Variants in TEK observed in about 807,000 individuals in gnomAD.
TEK encodes angiopoietin-1 receptor.
In TEK, 43 loss-of-function variants were observed where a neutral mutation model predicts 131.8. The ratio of observed to expected loss-of-function variants is 0.33; its 90% CI spans 0.26 to 0.42. The LOEUF (loss-of-function observed/expected upper bound fraction) is 0.42, where lower values mean the gene tolerates loss of function less well. Among genes scored for constraint, TEK ranks in the 10% least tolerant of loss-of-function variants. The pLI, the probability that TEK is intolerant of heterozygous loss-of-function variation, is 1.00. For missense variants in TEK, 1,162 were observed against 1,384.4 expected, an observed-to-expected ratio of 0.84 and a Z score of 2.55; for synonymous variants, 580 against 491.6, an observed-to-expected ratio of 1.18 and a Z score of -2.38.
intron 1 of TEK, among the ~76,000 whole-genome samples, chr9:27,134,022 T>C (rs1281704632): frequency 6.6e-6 from 1 of 152,128 alleles, no homozygotes; most frequent in East Asian, 1.9e-4. Flanking sequence ...GCATGGGAAG[T>C]TGACTTGTAT....
intron 20 of TEK, among the ~76,000 whole-genome samples, chr9:27,219,215 C>G (rs971875701): frequency 3.3e-5 from 5 of 152,128 alleles, no homozygotes; most frequent in African/African-American, 1.2e-4. Flanking sequence ...TTTTAAAAAA[C>G]TGGAAGGCAC....
intron 1 of TEK, among the ~76,000 whole-genome samples, chr9:27,141,086 C>G: frequency 6.6e-6 from 1 of 151,936 alleles, no homozygotes; most frequent in Non-Finnish European, 1.5e-5. Flanking sequence ...ATTTAATTTT[C>G]TTCTGCTGTC....
chr9:27,149,577 G>A (rs761622142), intron 1 of TEK, among the ~76,000 whole-genome samples: 7 of 152,084 alleles, frequency 4.6e-5, no homozygotes, highest in South Asian at 2.1e-4. Flanking sequence ...TTATAGACTC[G>A]TTTCTTTGAT....
chr9:27,109,476 A>C lies in TEK; in HGVS notation c.-115A>C. ...CTGTTCCTTCTTGCCTCTAACTTGT[A>C]AACAAGACGTAGTAGGACGATGCTA... is the stretch of plus-strand genomic sequence containing the variant. On this transcript the variant is annotated 5_prime_UTR_variant, in exon 1 of 23. It removes the in-frame stop codon of an upstream open reading frame in the 5' UTR. Coordinates refer to ENST00000380036, the MANE Select transcript of TEK (RefSeq NM_000459.5). The C allele has an allele frequency of 9.3e-7, 1 of 1,069,642 alleles. No individual in the cohort carries two copies. The highest frequency in any genetic ancestry group is 1.5e-6 in the Non-Finnish European group (1 of 684,868). The allele number at this position is 1,069,642 out of a possible 1,614,324, so 66.3% of individuals were successfully genotyped here.
intron 1 of TEK, among the ~76,000 whole-genome samples, chr9:27,131,759 AT>A (rs145245564): frequency 0.098 from 14,928 of 151,730 alleles, 862 homozygotes; most frequent in African/African-American, 0.14. Context: ...GTGAGCCATG[AT>A]TGCACCACTG....
At chr9:27,122,705 C>T (rs769394900) in intron 1 of TEK, among the ~76,000 whole-genome samples, 2 of 151,874 alleles carry the variant, frequency 1.3e-5, no homozygotes, top group African/African-American at 4.8e-5. Context: ...AAAGAGGAGA[C>T]TGATGATCCT....
intron 1 of TEK, among the ~76,000 whole-genome samples, chr9:27,132,817 A>G (rs1241315172): frequency 6.6e-6 from 1 of 152,208 alleles, no homozygotes; most frequent in African/African-American, 2.4e-5. Context: ...TTCTTTAATG[A>G]TACAAGAAAT....
chr9:27,119,807 T>A (rs989856890), intron 1 of TEK, among the ~76,000 whole-genome samples: 2 of 152,172 alleles, frequency 1.3e-5, no homozygotes, highest in African/African-American at 4.8e-5. Context: ...TCTTGACAAT[T>A]TTTTTACTTC....
chr9:27,112,539 G>A (rs72713715), intron 1 of TEK, among the ~76,000 whole-genome samples: 3,459 of 152,262 alleles, frequency 0.023, 67 homozygotes, highest in Non-Finnish European at 0.036. Context: ...CTTCCAAGGC[G>A]TCTCTCCAGG....
chr9:27,146,643 T>C (rs1564059095), intron 1 of TEK, among the ~76,000 whole-genome samples: 1 of 152,168 alleles, frequency 6.6e-6, no homozygotes, highest in Non-Finnish European at 1.5e-5. Flanking sequence ...CTTGTTTATG[T>C]ATTTATCCAC....
intron 16 of TEK, among the ~76,000 whole-genome samples, chr9:27,212,481 G>A (rs1825670880): frequency 6.6e-6 from 1 of 152,128 alleles, no homozygotes; most frequent in Non-Finnish European, 1.5e-5. Flanking sequence ...TAGGAATGGA[G>A]AGGGGGTGGG....
In TEK at chr9:27,157,716, C is replaced by A. The variant is rs931350336; in HGVS notation, c.53-115C>A. On this transcript the variant is annotated intron_variant, in intron 1 of 22. Transcript: ENST00000380036. ...GAAGATAGGCACATGGTCAGAATAG[C>A]ATTTTAGAAAGAATCCTCACACAAC... 3.3e-5 allele frequency: 41 copies of A among 1,252,844 alleles called. No individual in the cohort carries two copies. The East Asian group carries it at 9.3e-4, about 28-fold the overall frequency. The allele number at this position is 1,252,844 out of a possible 1,614,324, so 77.6% of individuals were successfully genotyped here.
chr9:27,129,897 A>AAT (rs1822145163), intron 1 of TEK, among the ~76,000 whole-genome samples: 1 of 152,200 alleles, frequency 6.6e-6, no homozygotes, highest in Non-Finnish European at 1.5e-5. Flanking sequence ...GATATTGTAT[A>AAT]ATATTTTCTT....
chr9:27,213,704 C>T (rs1825715516), intron 18 of TEK, 107 bp downstream of exon 18: 1 of 829,300 alleles, frequency 1.2e-6, no homozygotes, highest in East Asian at 2.6e-5. Flanking sequence ...AAGCATCTGA[C>T]TGTATGTCCC....
intron 1 of TEK, among the ~76,000 whole-genome samples, chr9:27,149,979 T>C (rs1406118474): frequency 6.6e-6 from 1 of 152,150 alleles, no homozygotes; most frequent in African/African-American, 2.4e-5. Flanking sequence ...ACTGCCAGGC[T>C]TAAGGGAATC....
chr9:27,185,729 T>A (rs1187841079), intron 9 of TEK, 100 bp downstream of exon 9: 9 of 1,488,800 alleles, frequency 6.0e-6, no homozygotes, highest in Non-Finnish European at 8.3e-6. Context: ...AAAATACCTT[T>A]GGGGTAATTT....
chr9:27,157,449 A>G lies in TEK; in HGVS notation c.53-382A>G, dbSNP rs140999426. ...TAGAATACTTTATTATTGTGACAGT[A>G]TCACATTAGCATCAATTGATAACTA... On this transcript the variant is annotated intron_variant, in intron 1 of 22. Coordinates refer to ENST00000380036, the MANE Select transcript of TEK (RefSeq NM_000459.5). Among the ~76,000 whole-genome samples, 9 of 152,342 alleles carry G rather than the reference A, an allele frequency of 5.9e-5. No homozygotes were observed. The East Asian group carries it at 1.7e-3, about 29-fold the overall frequency.
At chr9:27,117,962 A>G (rs576662346) in intron 1 of TEK, among the ~76,000 whole-genome samples, 1 of 152,312 alleles carries the variant, frequency 6.6e-6, no homozygotes, top group South Asian at 2.1e-4. Context: ...CAGTATTGAC[A>G]TTGCTGGGGC....
intron 11 of TEK, chr9:27,195,689 C>T (rs764217819): frequency 4.2e-5 from 19 of 455,804 alleles, no homozygotes; most frequent in South Asian, 1.7e-4. Flanking sequence ...TAAGACATCT[C>T]GAAAGAAGGA....
Sources: allele counts gnomAD v4.1 joint callset (sites outside exome capture counted in the v4.1 genomes callset), GRCh38; gene constraint gnomAD v4.1.1; transcripts MANE v1.5; gene names NCBI Gene and HGNC (gene_info 2026-07-23, HGNC 2026-07-21).